RPS6KC1: variants seen among roughly 807,000 people sequenced by gnomAD.
The protein encoded by RPS6KC1 is inactive ribosomal protein S6 kinase delta-1.
RPS6KC1 carries 54 observed loss-of-function variants against 103.8 expected under a neutral mutation model. The ratio of observed to expected loss-of-function variants is 0.52; its 90% CI spans 0.42 to 0.65. RPS6KC1 has a LOEUF of 0.65. RPS6KC1 is among the 30% of genes least tolerant of loss of function. The probability of loss-of-function intolerance (pLI) is 0.00; values close to 1 mark genes in which losing one functional copy is unlikely to be tolerated. For missense variants in RPS6KC1, 1,151 were observed against 1,253.8 expected, an observed-to-expected ratio of 0.92 and a Z score of 1.24; for synonymous variants, 439 against 438.7, an observed-to-expected ratio of 1.00 and a Z score of -0.01.
the RPS6KC1 span, among the ~76,000 whole-genome samples, chr1:213,507,125 T>C: frequency 6.6e-6 from 1 of 152,184 alleles, no homozygotes; most frequent in African/African-American, 2.4e-5. Flanking sequence ...CAAATTAGGC[T>C]CCTGCTAATT....
chr1:213,739,766 T>G, the RPS6KC1 span, among the ~76,000 whole-genome samples: 1 of 152,238 alleles, frequency 6.6e-6, no homozygotes, highest in Non-Finnish European at 1.5e-5. Context: ...CCTAGATTTC[T>G]GTACCCAGGC....
the RPS6KC1 span, among the ~76,000 whole-genome samples, chr1:213,448,544 G>C: frequency 6.6e-6 from 1 of 152,058 alleles, no homozygotes; most frequent in African/African-American, 2.4e-5. Context: ...CGTAACAAGG[G>C]CAGCTCTGCT....
chr1:213,740,367 G>C, the RPS6KC1 span, among the ~76,000 whole-genome samples: 1 of 151,896 alleles, frequency 6.6e-6, no homozygotes, highest in African/African-American at 2.4e-5. Context: ...CAAAAACAGT[G>C]AAAATCCCAA....
chr1:213,628,795 T>A, the RPS6KC1 span, among the ~76,000 whole-genome samples: 96 of 152,338 alleles, frequency 6.3e-4, no homozygotes, highest in East Asian at 0.015. Context: ...TTTGTTCTCG[T>A]TGGTTTCAAA....
At chr1:213,054,055 C>G (rs1034298730) in intron 1 of RPS6KC1, among the ~76,000 whole-genome samples, 3 of 152,006 alleles carry the variant, frequency 2.0e-5, no homozygotes, top group African/African-American at 7.3e-5. Flanking sequence ...AGTCTGGTCT[C>G]GAACTCCTGA....
chr1:213,589,006 C>G, the RPS6KC1 span, among the ~76,000 whole-genome samples: 1 of 152,100 alleles, frequency 6.6e-6, no homozygotes, highest in Non-Finnish European at 1.5e-5. Flanking sequence ...GGTATAGCAG[C>G]CCTATTTTGG....
chr1:213,794,173 A>G, the RPS6KC1 span, among the ~76,000 whole-genome samples: 1 of 152,214 alleles, frequency 6.6e-6, no homozygotes, highest in Admixed American at 6.5e-5. Flanking sequence ...TACTCCTGGC[A>G]GAAGTTCAAA....
chr1:213,160,148 T>C (rs1283813936), intron 6 of RPS6KC1, among the ~76,000 whole-genome samples: 1 of 152,216 alleles, frequency 6.6e-6, no homozygotes, highest in Non-Finnish European at 1.5e-5. Flanking sequence ...AAATCTGCCT[T>C]TTCTCAGAAG....
intron 1 of RPS6KC1, among the ~76,000 whole-genome samples, chr1:213,063,371 C>T (rs1299399623): frequency 6.6e-6 from 1 of 152,202 alleles, no homozygotes; most frequent in Non-Finnish European, 1.5e-5. Context: ...GTTGTGAGAT[C>T]TGGTCCTGCC....
intron 5 of RPS6KC1, among the ~76,000 whole-genome samples, chr1:213,126,131 G>A (rs1489831333): frequency 6.6e-6 from 1 of 151,908 alleles, no homozygotes; most frequent in Non-Finnish European, 1.5e-5. Context: ...GTTTCAATGG[G>A]CTAGATTATA....
rs372624612 is a variant in RPS6KC1, at chr1:213,271,637, G to A, written c.3091-887G>A. 6.6e-5 allele frequency among the ~76,000 whole-genome samples: 10 copies of A among 152,112 alleles called. No individual in the cohort carries two copies. The South Asian group carries it at 1.5e-3, about 22-fold the overall frequency. On this transcript the variant is annotated intron_variant, in intron 14 of 14. Transcript: ENST00000366960. Reference sequence around the variant, plus strand: ...AAATTAGCCGGGCATGGTGGCGCGCGCCTGTAGTCCCAGCTACACGGGAGG... The same window carrying A: ...AAATTAGCCGGGCATGGTGGCGCGCACCTGTAGTCCCAGCTACACGGGAGG...
the RPS6KC1 span, among the ~76,000 whole-genome samples, chr1:213,813,405 G>A: frequency 2.0e-5 from 3 of 150,876 alleles, no homozygotes; most frequent in South Asian, 2.1e-4. Flanking sequence ...GAACAACCCC[G>A]GGCTTCATCC....
the RPS6KC1 span, among the ~76,000 whole-genome samples, chr1:213,860,172 T>C: frequency 6.6e-6 from 1 of 151,086 alleles, no homozygotes; most frequent in South Asian, 2.1e-4. Context: ...TATGTATATA[T>C]ATGAAGAAAG....
At chr1:213,636,722 A>G in the RPS6KC1 span, among the ~76,000 whole-genome samples, 1 of 149,330 alleles carries the variant, frequency 6.7e-6, no homozygotes. Context: ...CTTCATGACT[A>G]AAACACCAAA....
chr1:213,654,957 A>T, the RPS6KC1 span, among the ~76,000 whole-genome samples: 25 of 152,360 alleles, frequency 1.6e-4, no homozygotes, highest in African/African-American at 5.8e-4. Context: ...CTTGAGGGGC[A>T]AAATCTCTAA....
At chr1:213,598,580 C>A in the RPS6KC1 span, among the ~76,000 whole-genome samples, 2 of 152,030 alleles carry the variant, frequency 1.3e-5, no homozygotes, top group Non-Finnish European at 1.5e-5. Context: ...GAAACTCTCC[C>A]GGAAAAATAT....
intron 2 of RPS6KC1, among the ~76,000 whole-genome samples, chr1:213,076,617 GT>G (rs1005316265): frequency 3.0e-4 from 43 of 145,444 alleles, no homozygotes; most frequent in South Asian, 4.4e-4. Context: ...TTACAAAGTG[GT>G]TTTTTTTTTT....
intron 8 of RPS6KC1, 147 bp downstream of exon 8, chr1:213,176,639 G>C: frequency 2.0e-6 from 1 of 492,136 alleles, no homozygotes; most frequent in South Asian, 4.3e-5. Flanking sequence ...AAAAGCAAAA[G>C]AGAAAAAGCT....
the RPS6KC1 span, among the ~76,000 whole-genome samples, chr1:213,521,093 TTAA>T: frequency 2.0e-5 from 3 of 152,188 alleles, no homozygotes; most frequent in Non-Finnish European, 4.4e-5. Context: ...TTTTTTTAAC[TTAA>T]TGATGTATCT....
Sources: gnomAD v4.1 joint callset for allele counts (sites outside exome capture counted in the v4.1 genomes callset) on GRCh38, gnomAD v4.1.1 for gene constraint, MANE v1.5 for transcripts, NCBI Gene and HGNC (gene_info 2026-07-23, HGNC 2026-07-21) for gene names.